Variants in PHEX observed in about 807,000 individuals in gnomAD.
PHEX encodes phosphate-regulating neutral endopeptidase PHEX.
In PHEX, 16 loss-of-function variants were observed where a neutral mutation model predicts 68.0. The observed-to-expected ratio is 0.24, with a 90% CI of 0.16 to 0.36. The LOEUF (loss-of-function observed/expected upper bound fraction) is 0.36, where lower values mean the gene tolerates loss of function less well. PHEX is among the 10% of genes least tolerant of loss of function. The pLI is 1.00. For missense variants in PHEX, 480 were observed against 575.5 expected (o/e 0.83, Z 1.70); for synonymous variants, 208 against 205.1 (o/e 1.01, Z -0.12).
intron 20 of PHEX, among the ~76,000 whole-genome samples, chrX:22,241,420 T>A (rs1445134517): frequency 9.0e-6 from 1 of 110,801 alleles, no homozygotes; most frequent in African/African-American, 3.3e-5. Context: ...AAGAAATAAC[T>A]AAGATCAGAG....
rs192582808 is a variant in PHEX, at chrX:22,223,833, A to G, written c.1899+2090A>G. Among the ~76,000 whole-genome samples, 8 of 112,794 alleles carry G rather than the reference A, an allele frequency of 7.1e-5. No individual in the cohort carries two copies. The East Asian group carries it at 1.7e-3, about 24-fold the overall frequency. On this transcript the variant is annotated intron_variant, in intron 18 of 21. Coordinates refer to ENST00000379374, the MANE Select transcript of PHEX (RefSeq NM_000444.6). ...ATAATCATAATCTTCAAGAGCCAAGAGGAGTTGGGACTTGAGAAAGTAGCA... is the reference window on the plus strand; with the variant it reads ...ATAATCATAATCTTCAAGAGCCAAGGGGAGTTGGGACTTGAGAAAGTAGCA...
chrX:22,226,406 C>A, intron 18 of PHEX, 37 bp from the exon 19 acceptor site: 1 of 957,607 alleles, frequency 1.0e-6, no homozygotes, highest in Non-Finnish European at 1.5e-6. Flanking sequence ...GTGAAACACG[C>A]ATTCATTTTT....
intron 11 of PHEX, among the ~76,000 whole-genome samples, chrX:22,115,029 A>G (rs1277815299): frequency 9.0e-6 from 1 of 111,300 alleles, no homozygotes; most frequent in Non-Finnish European, 1.9e-5. Context: ...TAACAATTGT[A>G]TATATTCGAA....
chrX:22,232,833 G>C (rs76196457), intron 20 of PHEX, among the ~76,000 whole-genome samples: 1 of 109,327 alleles, frequency 9.1e-6, no homozygotes, highest in East Asian at 2.8e-4. Flanking sequence ...ATTTGATCCC[G>C]TCATTATGCT....
chrX:22,168,411 CTT>C, intron 13 of PHEX, 22 bp downstream of exon 13: 4 of 955,070 alleles, frequency 4.2e-6, no homozygotes, highest in Non-Finnish European at 5.9e-6. Context: ...ATTTACTGTA[CTT>C]TTTTTTTTCT....
intron 12 of PHEX, among the ~76,000 whole-genome samples, chrX:22,162,183 G>A (rs918236546): frequency 1.3e-4 from 15 of 111,938 alleles, no homozygotes; most frequent in African/African-American, 4.2e-4. Context: ...TCCAACTTTT[G>A]GGGGGCTGCA....
chrX:22,099,122 G>A lies in PHEX; in HGVS notation c.1050G>A (p.Leu350=). Residue 350 remains leucine (L), a synonymous_variant, in exon 9 of 22, where the codon TTG becomes TTA. Transcript: ENST00000379374. ...VVRVPQYFKD[L]FRILGSERKK... is the part of the protein sequence containing the mutation. ...GCGTCCCGCAGTACTTTAAAGATTT[G>A]TTTAGGATATTAGGGTCTGAGAGAA... The A allele has an allele frequency of 1.7e-6, 2 of 1,209,659 alleles. No homozygotes were observed. Among genetic ancestry groups the A allele is most frequent in the East Asian group, 5.9e-5 (2 of 33,831 alleles).
intron 4 of PHEX, 39 bp from the exon 5 acceptor site, chrX:22,077,437 T>G (rs1929197343): frequency 3.7e-6 from 4 of 1,093,479 alleles, no homozygotes; most frequent in African/African-American, 1.8e-5. Flanking sequence ...TGATCCAGTT[T>G]GCAATTCTAA....
chrX:22,060,154 C>CAAAAA (rs34000062), intron 3 of PHEX, among the ~76,000 whole-genome samples: 10 of 69,922 alleles, frequency 1.4e-4, no homozygotes, highest in Admixed American at 3.6e-4. Context: ...AGCCCTGTCT[C>CAAAAA]AAAAAAAAAA....
At chrX:22,160,605 C>T (rs751673247) in intron 12 of PHEX, among the ~76,000 whole-genome samples, 51 of 108,861 alleles carry the variant, frequency 4.7e-4, no homozygotes, top group Admixed American at 3.4e-3. Context: ...GAGGAACTCC[C>T]CTTCATAAAA....
rs145679782 is a variant in PHEX, at chrX:22,034,793, C to A, written c.118+1670C>A. Among the ~76,000 whole-genome samples, 85 of 112,655 alleles carry A rather than the reference C, an allele frequency of 7.5e-4. 1 individual carries two copies. Among genetic ancestry groups the A allele is most frequent in the African/African-American group, 2.6e-3 (81 of 31,079 alleles). Reference sequence around the variant, plus strand: ...CCCGCTGATTCACAATCTGCATTTTCACAAGACCCCCAGGGGACTGTTTGC... The same window carrying A: ...CCCGCTGATTCACAATCTGCATTTTAACAAGACCCCCAGGGGACTGTTTGC... On this transcript the variant is annotated intron_variant, in intron 1 of 21. Coordinates refer to ENST00000379374, the MANE Select transcript of PHEX (RefSeq NM_000444.6).
intron 5 of PHEX, among the ~76,000 whole-genome samples, chrX:22,085,841 G>A (rs780238339): frequency 1.8e-4 from 20 of 111,772 alleles, no homozygotes; most frequent in African/African-American, 5.5e-4. Flanking sequence ...CTAGTTTAAC[G>A]CTGATGTTTC....
chrX:22,130,616 C>G (rs948475462), intron 11 of PHEX, among the ~76,000 whole-genome samples: 5 of 108,930 alleles, frequency 4.6e-5, no homozygotes, highest in Non-Finnish European at 9.5e-5. Context: ...CCGGAGATTT[C>G]CTTGTCATTT....
chrX:22,121,283 G>A (rs1931475803), intron 11 of PHEX, among the ~76,000 whole-genome samples: 1 of 112,071 alleles, frequency 8.9e-6, no homozygotes, highest in South Asian at 3.7e-4. Context: ...GAATGAGGGG[G>A]TCAGTGGATG....
Position 22,114,863 on chromosome X carries a change from G to A in PHEX, c.1302+277G>A, listed in dbSNP as rs6528091. ...GAGGGAATGTAGTATAGCTGCTTGA[G>A]GGCAGGCATGTCCAGATGTAGGTGA... is the stretch of plus-strand genomic sequence containing the variant. On this transcript the variant is annotated intron_variant, in intron 11 of 21. Coordinates refer to ENST00000379374, the MANE Select transcript of PHEX (RefSeq NM_000444.6). Among the ~76,000 whole-genome samples, 42,837 of 109,942 alleles carry A rather than the reference G, an allele frequency of 0.39. 8,370 individuals carry two copies. Among genetic ancestry groups the A allele is most frequent in the African/African-American group, 0.77 (23,230 of 30,064 alleles).
chrX:22,180,704 A>G (rs1222351868), intron 14 of PHEX, among the ~76,000 whole-genome samples: 1 of 111,859 alleles, frequency 8.9e-6, no homozygotes, highest in Non-Finnish European at 1.9e-5. Context: ...CTGTTATGCT[A>G]TCAAATAGAT....
chrX:22,237,343 T>C (rs1199298648), intron 20 of PHEX, among the ~76,000 whole-genome samples: 1 of 112,070 alleles, frequency 8.9e-6, no homozygotes, highest in Non-Finnish European at 1.9e-5. Context: ...TCAGAACCAC[T>C]GTGACTGGTG....
At chrX:22,209,528 A>T in intron 15 of PHEX, among the ~76,000 whole-genome samples, 1 of 110,019 alleles carries the variant, frequency 9.1e-6, no homozygotes, top group Middle Eastern at 4.7e-3. Flanking sequence ...CATTTAAAGC[A>T]TTAAGAGATG....
intron 9 of PHEX, among the ~76,000 whole-genome samples, chrX:22,103,167 G>T (rs1458945052): frequency 2.7e-5 from 3 of 111,394 alleles, no homozygotes; most frequent in African/African-American, 9.8e-5. Context: ...CTTTTCAGAT[G>T]CTTCACTGCT....
Sources: gnomAD v4.1 joint callset for allele counts (sites outside exome capture counted in the v4.1 genomes callset) on GRCh38, gnomAD v4.1.1 for gene constraint, MANE v1.5 for transcripts, NCBI Gene and HGNC (gene_info 2026-07-23, HGNC 2026-07-21) for gene names.